AUTS2: variants seen among roughly 807,000 people sequenced by gnomAD.
AUTS2 encodes activator of transcription and developmental regulator AUTS2, also known as autism susceptibility gene 2 protein.
Under a neutral mutation model 112.4 loss-of-function variants are expected in AUTS2, and 17 were observed. That is an observed-to-expected ratio of 0.15 (90% CI 0.10 to 0.23). The LOEUF (loss-of-function observed/expected upper bound fraction) is 0.23, where lower values mean the gene tolerates loss of function less well. Ranked by LOEUF, AUTS2 falls within the 10% of genes least tolerant of loss-of-function variation. The probability of loss-of-function intolerance (pLI) is 1.00; values close to 1 mark genes in which losing one functional copy is unlikely to be tolerated. For synonymous variants in AUTS2, 751 were observed against 702.7 expected (o/e 1.07, Z -1.09); for missense variants, 1,510 against 1,701.6 (o/e 0.89, Z 1.98).
Position 69,744,904 on chromosome 7 carries a change from T to C in AUTS2, c.309+144942T>C, listed in dbSNP as rs563287735. On this transcript the variant is annotated intron_variant, in intron 1 of 18. Transcript: ENST00000342771. ...ACAAAAGCACTGTAAACAGGCTCCTTAGAAAGTTCAGTCACTTTTTTGCTG... is the reference window on the plus strand; with the variant it reads ...ACAAAAGCACTGTAAACAGGCTCCTCAGAAAGTTCAGTCACTTTTTTGCTG... Among the ~76,000 whole-genome samples the C allele has an allele frequency of 9.2e-5, 14 of 152,314 alleles. 1 individual carries two copies. Among genetic ancestry groups the C allele is most frequent in the Middle Eastern group, 6.8e-3 (2 of 294 alleles).
intron 6 of AUTS2, among the ~76,000 whole-genome samples, chr7:70,724,590 C>A (rs757073398): frequency 3.9e-5 from 6 of 152,066 alleles, no homozygotes; most frequent in Non-Finnish European, 5.9e-5. Context: ...TGACTACAGG[C>A]GTCTACCACC....
At chr7:70,367,410 G>C (rs1260606386) in intron 4 of AUTS2, among the ~76,000 whole-genome samples, 2 of 151,944 alleles carry the variant, frequency 1.3e-5, no homozygotes, top group Non-Finnish European at 2.9e-5. Flanking sequence ...CAAAAAATTA[G>C]CCCGGCATGG....
intron 6 of AUTS2, among the ~76,000 whole-genome samples, chr7:70,723,560 G>A (rs1786824350): frequency 6.6e-6 from 1 of 151,924 alleles, no homozygotes; most frequent in Non-Finnish European, 1.5e-5. Flanking sequence ...CAGACAGCAG[G>A]AAGCGCCCGC....
chr7:69,921,327 GTTTTTTTTTTT>G lies in AUTS2; in HGVS notation c.522+21844_522+21854del, dbSNP rs11289784. ...TCTGGTTTTAGTATTTAGACTTGAA[GTTTTTTTTTTT>G]TTTTTTTTTTTTTTAACCGTAATAA... On this transcript the variant is annotated intron_variant, in intron 2 of 18. Transcript: ENST00000342771. Among the ~76,000 whole-genome samples, 12 of 90,406 alleles carry G rather than the reference GTTTTTTTTTTT, an allele frequency of 1.3e-4. No homozygotes were observed. In the South Asian group the frequency reaches 3.0e-3, roughly 22 times the overall value. The allele number at this position is 90,406 out of a possible 152,430, so 59.3% of individuals were successfully genotyped here.
intron 1 of AUTS2, among the ~76,000 whole-genome samples, chr7:69,850,365 C>T (rs1792416662): frequency 7.5e-6 from 1 of 133,360 alleles, no homozygotes; most frequent in African/African-American, 2.9e-5. Flanking sequence ...TGCTACTGCA[C>T]TCCAGCCTGG....
intron 10 of AUTS2, among the ~76,000 whole-genome samples, chr7:70,770,788 T>C (rs1427577528): frequency 6.6e-6 from 1 of 152,214 alleles, no homozygotes; most frequent in Non-Finnish European, 1.5e-5. Flanking sequence ...CTTCATATGT[T>C]AATACGGAAG....
intron 1 of AUTS2, among the ~76,000 whole-genome samples, chr7:69,733,048 T>C (rs1554357210): frequency 1.3e-5 from 2 of 152,212 alleles, no homozygotes; most frequent in Non-Finnish European, 2.9e-5. Flanking sequence ...TTGCTAATCA[T>C]GTGGTGCATG....
intron 5 of AUTS2, among the ~76,000 whole-genome samples, chr7:70,459,514 C>T (rs1796877007): frequency 6.6e-6 from 1 of 152,192 alleles, no homozygotes; most frequent in African/African-American, 2.4e-5. Context: ...TCCGTGTGAG[C>T]CCCAGCTCTT....
At chr7:69,613,436 C>T (rs576788219) in intron 1 of AUTS2, among the ~76,000 whole-genome samples, 2 of 152,266 alleles carry the variant, frequency 1.3e-5, no homozygotes, top group East Asian at 3.9e-4. Flanking sequence ...CACTGTTTCT[C>T]CCTGTTATAA....
Position 70,771,562 on chromosome 7 carries a change from A to G in AUTS2, c.1748A>G (p.Tyr583Cys), listed in dbSNP as rs1255631422. Reference sequence around the variant, plus strand: ...CTTTGGCCACAGCTCTTCCATTCCTATCCTCCTGCAGTGTCGGGCATCCCC... The same window carrying G: ...CTTTGGCCACAGCTCTTCCATTCCTGTCCTCCTGCAGTGTCGGGCATCCCC... ...PFYRHSLFHS[Y>C]PPAVSGIPPM... Residue 583 changes from tyrosine to cysteine, a missense_variant, in exon 11 of 19, where the codon TAT becomes TGT. Coordinates refer to ENST00000342771, the MANE Select transcript of AUTS2 (RefSeq NM_015570.4). 4 of 1,609,946 alleles carry G rather than the reference A, an allele frequency of 2.5e-6. No individual in the cohort carries two copies. Among genetic ancestry groups the G allele is most frequent in the South Asian group, 2.2e-5 (2 of 90,448 alleles).
chr7:70,059,898 G>C (rs948834084), intron 2 of AUTS2, among the ~76,000 whole-genome samples: 5 of 152,162 alleles, frequency 3.3e-5, no homozygotes, highest in Admixed American at 2.0e-4. Flanking sequence ...ACCTTGCCTA[G>C]TTCCAAATAA....
intron 1 of AUTS2, among the ~76,000 whole-genome samples, chr7:69,875,485 C>T (rs1255141837): frequency 1.3e-5 from 2 of 152,094 alleles, no homozygotes; most frequent in Non-Finnish European, 2.9e-5. Context: ...AATTGATTGT[C>T]TCATTAGATT....
intron 5 of AUTS2, among the ~76,000 whole-genome samples, chr7:70,483,846 A>C (rs936781897): frequency 1.3e-5 from 2 of 152,196 alleles, no homozygotes; most frequent in Non-Finnish European, 2.9e-5. Context: ...TCCCTTGATA[A>C]GCAGCAAGTG....
At chr7:70,258,794 A>T (rs1787015510) in intron 4 of AUTS2, among the ~76,000 whole-genome samples, 1 of 152,194 alleles carries the variant, frequency 6.6e-6, no homozygotes, top group Non-Finnish European at 1.5e-5. Context: ...ACCCTTGTGG[A>T]ATCTAAGACA....
chr7:70,109,808 C>T lies in AUTS2; in HGVS notation c.523-8324C>T, dbSNP rs565430332. Reference sequence around the variant, plus strand: ...CCTGTCCCCCATCATGGCTTGAATCCGTCCCTCAGGTTAGCCTTAGAATGC... The same window carrying T: ...CCTGTCCCCCATCATGGCTTGAATCTGTCCCTCAGGTTAGCCTTAGAATGC... On this transcript the variant is annotated intron_variant, in intron 2 of 18. Transcript: ENST00000342771. 6.6e-5 allele frequency among the ~76,000 whole-genome samples: 10 copies of T among 152,220 alleles called. No homozygotes were observed. The East Asian group carries it at 1.9e-3, about 29-fold the overall frequency.
intron 2 of AUTS2, among the ~76,000 whole-genome samples, chr7:69,950,463 G>T (rs1796980537): frequency 6.6e-6 from 1 of 152,128 alleles, no homozygotes; most frequent in African/African-American, 2.4e-5. Context: ...AAATGGAAAA[G>T]TTATGCACTG....
chr7:70,626,925 C>T (rs1359444079), intron 5 of AUTS2, among the ~76,000 whole-genome samples: 1 of 152,182 alleles, frequency 6.6e-6, no homozygotes, highest in Non-Finnish European at 1.5e-5. Context: ...TTGATGGGCA[C>T]CTAGGTTGAT....
In AUTS2 at chr7:70,744,535, C is replaced by T. The variant is rs373675958; in HGVS notation, c.743-18335C>T. ...GAGGAGGACATATAAGGAAGAGGCA[C>T]AATTCAAGTAAAGTCAGTCTGTATT... On this transcript the variant is annotated intron_variant, in intron 6 of 18. Coordinates refer to ENST00000342771, the MANE Select transcript of AUTS2 (RefSeq NM_015570.4). 2.7e-4 allele frequency among the ~76,000 whole-genome samples: 41 copies of T among 152,300 alleles called. 1 individual carries two copies. The South Asian group carries it at 7.9e-3, about 29-fold the overall frequency.
chr7:70,733,899 T>C (rs577403536), intron 6 of AUTS2, among the ~76,000 whole-genome samples: 2 of 152,190 alleles, frequency 1.3e-5, no homozygotes, highest in East Asian at 3.9e-4. Flanking sequence ...TACATTAGTT[T>C]TATCACATAA....
Sources: allele counts gnomAD v4.1 joint callset (sites outside exome capture counted in the v4.1 genomes callset), GRCh38; gene constraint gnomAD v4.1.1; transcripts MANE v1.5; gene names NCBI Gene and HGNC (gene_info 2026-07-23, HGNC 2026-07-21).